TNR: variants seen among roughly 807,000 people sequenced by gnomAD.
TNR encodes the protein tenascin R.
A neutral mutation model predicts 150.4 loss-of-function variants in TNR; 45 were observed. The ratio of observed to expected loss-of-function variants is 0.30; its 90% CI spans 0.24 to 0.38. The LOEUF is 0.38. TNR is among the 10% of genes least tolerant of loss of function. TNR has a pLI of 1.00. For synonymous variants in TNR, 687 were observed against 678.4 expected (o/e 1.01, Z -0.20); for missense variants, 1,544 against 1,759.1 (o/e 0.88, Z 2.19).
At chr1:175,368,948 CA>C (rs1476087127) in intron 9 of TNR, among the ~76,000 whole-genome samples, 2 of 151,700 alleles carry the variant, frequency 1.3e-5, no homozygotes, top group Non-Finnish European at 2.9e-5. Flanking sequence ...GACTCTGTAT[CA>C]AAAAAACAAA....
intron 1 of TNR, among the ~76,000 whole-genome samples, chr1:175,550,113 C>T (rs1019636995): frequency 6.6e-6 from 1 of 152,142 alleles, no homozygotes; most frequent in African/African-American, 2.4e-5. Context: ...AACAGGTAGA[C>T]ATAGGTCACT....
rs1366458644 is a variant in TNR, at chr1:175,728,840, C to T, written c.-165+14386G>A. On this transcript the variant is annotated intron_variant, in intron 1 of 22. Coordinates refer to ENST00000367674, the MANE Select transcript of TNR (RefSeq NM_003285.3). ...CTATGTGTTATGCTCTTTCCAGGAG[C>T]TTTGCATAAGTGATATTGGAGATTC... Among the ~76,000 whole-genome samples the T allele has an allele frequency of 2.0e-5, 3 of 152,276 alleles. No homozygotes were observed. The East Asian group carries it at 5.8e-4, about 29-fold the overall frequency.
chr1:175,485,397 A>G (rs12738827), intron 2 of TNR, among the ~76,000 whole-genome samples: 53,302 of 151,962 alleles, frequency 0.35, 9,600 homozygotes, highest in Non-Finnish European at 0.38. Flanking sequence ...CCCTGACTTT[A>G]TCCCTTTCAG....
chr1:175,359,845 C>T, intron 14 of TNR, 114 bp from the exon 15 acceptor site: 1 of 1,338,730 alleles, frequency 7.5e-7, no homozygotes, highest in Non-Finnish European at 9.9e-7. Context: ...CTCTACAAAA[C>T]AAAGAAGTGA....
At chr1:175,523,160 C>G (rs991230726) in intron 2 of TNR, among the ~76,000 whole-genome samples, 1 of 152,166 alleles carries the variant, frequency 6.6e-6, no homozygotes, top group Non-Finnish European at 1.5e-5. Flanking sequence ...CTTCCCTTGA[C>G]TGGGGAGGTG....
At chr1:175,568,846 C>G (rs1661750982) in intron 1 of TNR, among the ~76,000 whole-genome samples, 1 of 152,212 alleles carries the variant, frequency 6.6e-6, no homozygotes, top group Non-Finnish European at 1.5e-5. Context: ...GGCAGTTTCA[C>G]TCTCTTCAGT....
At chr1:175,705,603 G>A (rs1666827192) in intron 1 of TNR, among the ~76,000 whole-genome samples, 1 of 152,066 alleles carries the variant, frequency 6.6e-6, no homozygotes, top group South Asian at 2.1e-4. Context: ...ATGTGTGTGT[G>A]TGCGTGCGTG....
At chr1:175,419,263 T>C (rs1654642190) in intron 2 of TNR, among the ~76,000 whole-genome samples, 2 of 152,204 alleles carry the variant, frequency 1.3e-5, no homozygotes, top group Non-Finnish European at 2.9e-5. Flanking sequence ...AGGATATATA[T>C]TGTAAAATAT....
intron 2 of TNR, among the ~76,000 whole-genome samples, chr1:175,453,994 C>T (rs913348276): frequency 6.6e-6 from 1 of 152,122 alleles, no homozygotes; most frequent in East Asian, 1.9e-4. Context: ...AGAGATGGGG[C>T]CCTGCTGTCC....
In TNR at chr1:175,354,462, T is replaced by C; in HGVS notation, c.3311A>G (p.Asp1104Gly). ...TGCTGCCTGCAGGAGCACCGTGTAG[T>C]CTGTGTTCTCCAACAGGCCCTCCAG... ...IRLEGLLENT[D>G]YTVLLQAAQD... The change falls in exon 18 of 23, where the codon GAC (aspartate) becomes GGC (glycine). Residue 1104 changes from aspartate to glycine, a missense_variant. Transcript: ENST00000367674. 1 of 1,614,028 alleles carries C rather than the reference T, an allele frequency of 6.2e-7. No homozygotes were observed. Among genetic ancestry groups the C allele is most frequent in the Non-Finnish European group, 8.5e-7 (1 of 1,179,970 alleles).
chr1:175,435,073 G>A (rs1015917714), intron 2 of TNR, among the ~76,000 whole-genome samples: 1 of 152,200 alleles, frequency 6.6e-6, no homozygotes, highest in Non-Finnish European at 1.5e-5. Context: ...ATTGAGTTGG[G>A]AAACTGTTGG....
At chr1:175,496,528 G>T (rs1238020287) in intron 2 of TNR, among the ~76,000 whole-genome samples, 1 of 152,132 alleles carries the variant, frequency 6.6e-6, no homozygotes, top group South Asian at 2.1e-4. Flanking sequence ...CTGGGATCTG[G>T]GAATACTTTA....
chr1:175,370,219 C>T (rs1652033092), intron 9 of TNR, among the ~76,000 whole-genome samples: 1 of 151,890 alleles, frequency 6.6e-6, no homozygotes, highest in Non-Finnish European at 1.5e-5. Flanking sequence ...GCATCTATAT[C>T]AGAGGGTCAT....
At chr1:175,589,890 T>C (rs950581205) in intron 1 of TNR, among the ~76,000 whole-genome samples, 13 of 152,180 alleles carry the variant, frequency 8.5e-5, no homozygotes, top group African/African-American at 3.1e-4. Flanking sequence ...GAGAAATACC[T>C]AATGTAGATG....
chr1:175,577,290 T>G (rs1662157379), intron 1 of TNR, among the ~76,000 whole-genome samples: 1 of 152,166 alleles, frequency 6.6e-6, no homozygotes, highest in Non-Finnish European at 1.5e-5. Context: ...TGTGTCTTGT[T>G]ATTACTTTTC....
intron 2 of TNR, among the ~76,000 whole-genome samples, chr1:175,507,669 A>G (rs568320912): frequency 6.6e-6 from 1 of 152,260 alleles, no homozygotes; most frequent in Admixed American, 6.5e-5. Flanking sequence ...CCCACCCAGC[A>G]TAATGAACTC....
chr1:175,429,334 T>C (rs1312310438), intron 2 of TNR, among the ~76,000 whole-genome samples: 1 of 152,154 alleles, frequency 6.6e-6, no homozygotes, highest in African/African-American at 2.4e-5. Flanking sequence ...ATTATAAATA[T>C]AGATAAATGC....
At chr1:175,562,144 T>C (rs545104999) in intron 1 of TNR, among the ~76,000 whole-genome samples, 1 of 152,344 alleles carries the variant, frequency 6.6e-6, no homozygotes, top group African/African-American at 2.4e-5. Flanking sequence ...CTAGTAGGTG[T>C]TCACAATGTT....
intron 2 of TNR, among the ~76,000 whole-genome samples, chr1:175,445,530 G>T (rs1449554919): frequency 6.6e-6 from 1 of 152,178 alleles, no homozygotes; most frequent in Non-Finnish European, 1.5e-5. Context: ...TGTACAAGCT[G>T]CAGTCATCTG....
Sources: allele counts gnomAD v4.1 joint callset (sites outside exome capture counted in the v4.1 genomes callset), GRCh38; gene constraint gnomAD v4.1.1; transcripts MANE v1.5; gene names NCBI Gene and HGNC (gene_info 2026-07-23, HGNC 2026-07-21).